The following RBM33 variants were observed in gnomAD, a reference collection of about 807,000 sequenced individuals.
The protein encoded by RBM33 is RNA-binding protein 33.
A neutral mutation model predicts 132.6 loss-of-function variants in RBM33; 28 were observed. The observed-to-expected ratio is 0.21, with a 90% confidence interval of 0.16 to 0.29. RBM33 has a LOEUF of 0.29. Ranked by LOEUF, RBM33 falls within the 10% of genes least tolerant of loss-of-function variation. The probability of loss-of-function intolerance (pLI) is 1.00; values close to 1 mark genes in which losing one functional copy is unlikely to be tolerated. For missense variants in RBM33, 1,291 were observed against 1,518.5 expected (o/e 0.85, Z 2.49); for synonymous variants, 634 against 593.0 (o/e 1.07, Z -1.01).
chr7:155,673,756 G>GCGCA (rs1372787733), intron 3 of RBM33, among the ~76,000 whole-genome samples: 6 of 64,982 alleles, frequency 9.2e-5, no homozygotes, highest in Non-Finnish European at 1.6e-4. Context: ...GTGTATATAC[G>GCGCA]CGCGCATGCG....
chr7:155,669,926 C>T lies in RBM33; in HGVS notation c.123-2941C>T, dbSNP rs569586654. ...TCCATCTGGAAGCCAGAGGTTAGGA[C>T]CGGCTGTGCCAGCTGCTCCTGGAGG... is the stretch of plus-strand genomic sequence containing the variant. On this transcript the variant is annotated intron_variant, in intron 2 of 17. Transcript: ENST00000401878. 2.3e-4 allele frequency among the ~76,000 whole-genome samples: 35 copies of T among 152,272 alleles called. No homozygotes were observed. The South Asian group carries it at 7.1e-3, about 31-fold the overall frequency.
intron 3 of RBM33, among the ~76,000 whole-genome samples, chr7:155,674,547 T>G (rs910627188): frequency 1.4e-4 from 22 of 152,234 alleles, no homozygotes; most frequent in African/African-American, 5.1e-4. Flanking sequence ...TGTGTTTCTT[T>G]CCAGAAAGCT....
chr7:155,656,233 A>G (rs1046688520), intron 1 of RBM33, among the ~76,000 whole-genome samples: 24 of 152,204 alleles, frequency 1.6e-4, no homozygotes, highest in East Asian at 3.8e-4. Flanking sequence ...GATTTTGTAT[A>G]TTGGATAATG....
chr7:155,668,773 T>C (rs1798866906), intron 2 of RBM33, among the ~76,000 whole-genome samples: 1 of 152,236 alleles, frequency 6.6e-6, no homozygotes, highest in Admixed American at 6.5e-5. Flanking sequence ...TGTTTTTGAA[T>C]CATTTTGAAA....
chr7:155,651,582 CAAAAAAA>C (rs34693646), intron 1 of RBM33, among the ~76,000 whole-genome samples: 2 of 94,580 alleles, frequency 2.1e-5, no homozygotes, highest in Non-Finnish European at 3.9e-5. Context: ...TTTGTCTCAC[CAAAAAAA>C]AAAAAAAAAA....
chr7:155,766,313 A>G (rs1802215090), intron 15 of RBM33, among the ~76,000 whole-genome samples, 154 bp from the exon 16 acceptor site: 1 of 152,186 alleles, frequency 6.6e-6, no homozygotes, highest in Non-Finnish European at 1.5e-5. Context: ...AGCTATTAAA[A>G]CATTCTCTGA....
intron 5 of RBM33, among the ~76,000 whole-genome samples, chr7:155,694,419 A>G (rs1799734932): frequency 6.6e-6 from 1 of 152,214 alleles, no homozygotes; most frequent in South Asian, 2.1e-4. Context: ...GAGAAGCTTT[A>G]AAAACATATT....
At chr7:155,767,348 G>A (rs529745677) in intron 16 of RBM33, among the ~76,000 whole-genome samples, 24 of 152,364 alleles carry the variant, frequency 1.6e-4, no homozygotes, top group African/African-American at 5.3e-4. Flanking sequence ...CCATTGCCAC[G>A]CACCGTGCGT....
intron 3 of RBM33, among the ~76,000 whole-genome samples, chr7:155,674,560 G>T (rs1799124728): frequency 6.6e-6 from 1 of 152,204 alleles, no homozygotes; most frequent in African/African-American, 2.4e-5. Context: ...AGAAAGCTGT[G>T]ATAATTCCCT....
chr7:155,742,413 A>G (rs891298600), intron 13 of RBM33, among the ~76,000 whole-genome samples: 2 of 152,348 alleles, frequency 1.3e-5, no homozygotes, highest in East Asian at 1.9e-4. Flanking sequence ...TTTAGACTTT[A>G]TAGTCCAGAC....
chr7:155,662,929 C>G (rs982884088), intron 1 of RBM33, among the ~76,000 whole-genome samples: 8 of 152,122 alleles, frequency 5.3e-5, no homozygotes, highest in African/African-American at 2.4e-5. Flanking sequence ...TACTGAGTTT[C>G]AAGGATGAAG....
Position 155,745,466 on chromosome 7 carries a change from G to A in RBM33, c.2843G>A (p.Arg948Gln), listed in dbSNP as rs747899580. Residue 948 changes from arginine (R) to glutamine (Q), a missense_variant, in exon 14 of 18, where the codon CGA becomes CAA. Arg to Gln is a conservative substitution (Grantham distance 43, BLOSUM62 1). Around this residue, in one of 7 missense-constraint regions of RBM33, gnomAD observed 841 missense variants for 912.0 expected, o/e 0.92. Transcript: ENST00000401878. This position sits in a 1 kb window ranked among gnomAD's most constrained non-coding sequence, Gnocchi z 4.1. ...VEEPAVPQTP[R>Q]VASIQGRPQD... ...GAGCCAGCTGTCCCCCAGACTCCTC[G>A]AGTGGCGTCCATCCAGGGCCGGCCC... The A allele has an allele frequency of 2.5e-6, 4 of 1,613,682 alleles. No homozygotes were observed. The highest frequency in any genetic ancestry group is 1.3e-5 in the African/African-American group (1 of 74,900).
chr7:155,738,081 C>T lies in RBM33; in HGVS notation c.1415C>T (p.Pro472Leu), dbSNP rs373576181. The T allele has an allele frequency of 8.7e-6, 14 of 1,613,130 alleles. No individual in the cohort carries two copies. Among genetic ancestry groups the T allele is most frequent in the South Asian group, 3.3e-5 (3 of 91,022 alleles). Residue 472 changes from proline to leucine, a missense_variant, in exon 11 of 18, where the codon CCG becomes CTG. Physicochemically the swap from Pro to Leu is moderately conservative, Grantham distance 98. This residue lies in a region of RBM33 where 841 missense variants were observed against 912.0 expected (regional missense o/e 0.92). Coordinates refer to ENST00000401878, the MANE Select transcript of RBM33 (RefSeq NM_053043.3). The part of the protein sequence containing the change: ...FLGVSGEPRF[P>L]SHLFLEQRSP... ...TCAGTTTCAGGTGAACCAAGATTCCCGAGCCATCTTTTTCTGGAACAGCGA... is the reference window on the plus strand; with the variant it reads ...TCAGTTTCAGGTGAACCAAGATTCCTGAGCCATCTTTTTCTGGAACAGCGA...
At chr7:155,696,950 T>A (rs770686535) in intron 5 of RBM33, among the ~76,000 whole-genome samples, 11 of 152,152 alleles carry the variant, frequency 7.2e-5, no homozygotes, top group Non-Finnish European at 1.3e-4. Context: ...CTTGAGGTTG[T>A]GGATTTTGGA....
Position 155,661,142 on chromosome 7 carries a change from A to ATT in RBM33, c.44-4032_44-4031insTT, listed in dbSNP as rs1217940558. On this transcript the variant is annotated intron_variant, in intron 1 of 17. Coordinates refer to ENST00000401878, the MANE Select transcript of RBM33 (RefSeq NM_053043.3). ...TGTGTGTGTGTGTGTATATATATATATATATTTTTTTTTTTTTGAGACAGA... is the reference window on the plus strand; with the variant it reads ...TGTGTGTGTGTGTGTATATATATATATTTATATTTTTTTTTTTTTGAGACAGA... Among the ~76,000 whole-genome samples the ATT allele has an allele frequency of 1.8e-3, 108 of 60,538 alleles. 3 individuals carry two copies. The highest frequency in any genetic ancestry group is 3.1e-3 in the Non-Finnish European group (80 of 25,534). 39.7% of individuals were successfully genotyped at this position (60,538 alleles called of 152,430 possible).
At chr7:155,731,399 G>A (rs950028151) in intron 9 of RBM33, among the ~76,000 whole-genome samples, 2 of 152,164 alleles carry the variant, frequency 1.3e-5, no homozygotes, top group African/African-American at 4.8e-5. Context: ...AATAAGAGAT[G>A]AACAGCAATA....
chr7:155,758,334 T>C (rs1431221756), intron 14 of RBM33, among the ~76,000 whole-genome samples: 1 of 152,192 alleles, frequency 6.6e-6, no homozygotes, highest in Non-Finnish European at 1.5e-5. Context: ...GGGACTGGTT[T>C]CTTGGAAGAC....
intron 4 of RBM33, among the ~76,000 whole-genome samples, chr7:155,679,648 A>C (rs927373410): frequency 4.6e-5 from 7 of 152,256 alleles, no homozygotes; most frequent in African/African-American, 1.7e-4. Flanking sequence ...AACATAAAGT[A>C]ATTTTTACAG....
chr7:155,765,981 A>G (rs555420714), intron 15 of RBM33, among the ~76,000 whole-genome samples: 2 of 152,174 alleles, frequency 1.3e-5, no homozygotes, highest in Non-Finnish European at 2.9e-5. Flanking sequence ...AGTCTCTGCC[A>G]GCGGAGTCAG....
Sources: allele counts gnomAD v4.1 joint callset (sites outside exome capture counted in the v4.1 genomes callset), GRCh38; gene constraint gnomAD v4.1.1; regional missense constraint gnomAD v4.1.1; non-coding constraint Gnocchi (gnomAD v3.1); transcripts MANE v1.5; gene names NCBI Gene and HGNC (gene_info 2026-07-23, HGNC 2026-07-21).